CCZ1B: variants seen among roughly 807,000 people sequenced by gnomAD.
CCZ1B encodes the protein vacuolar fusion protein CCZ1 homolog B.
A neutral mutation model predicts 58.8 loss-of-function variants in CCZ1B; 25 were observed. The ratio of observed to expected loss-of-function variants is 0.43; its 90% confidence interval spans 0.31 to 0.59. The LOEUF (loss-of-function observed/expected upper bound fraction) is 0.59. Among genes scored for constraint, CCZ1B ranks in the 20% least tolerant of loss-of-function variants. The pLI is 0.12. For missense variants in CCZ1B, 180 were observed against 501.5 expected, an observed-to-expected ratio of 0.36 and a Z score of 6.12; for synonymous variants, 66 against 173.2, an observed-to-expected ratio of 0.38 and a Z score of 4.86.
In CCZ1B at chr7:6,822,735, G is replaced by T. The variant is rs1165256374; in HGVS notation, c.439-371C>A. On this transcript the variant is annotated intron_variant, in intron 5 of 14. Transcript: ENST00000316731. ...TTTTTTTTTTTTGAGATGGAATCTC[G>T]CTGTTGCCCAGGGTAGAGTGCAGTG... 1.9e-4 allele frequency among the ~76,000 whole-genome samples: 22 copies of T among 114,048 alleles called. No individual in the cohort carries two copies. In the South Asian group the frequency reaches 5.2e-3, roughly 27 times the overall value. The allele number at this position is 114,048 out of a possible 152,430, so 74.8% of individuals were successfully genotyped here.
chr7:6,822,572 C>T (rs1374705854), intron 5 of CCZ1B: 2 of 980,318 alleles, frequency 2.0e-6, no homozygotes, highest in Non-Finnish European at 2.8e-6. Context: ...ATGAAACCAC[C>T]TAATTGCTCT....
At chr7:6,817,728 G>A (rs1435952448) in intron 7 of CCZ1B, among the ~76,000 whole-genome samples, 1 of 149,812 alleles carries the variant, frequency 6.7e-6, no homozygotes, top group Non-Finnish European at 1.5e-5. Context: ...TAGAAAGTAG[G>A]TGGAGGCCGG....
At chr7:6,814,447 G>A (rs1472289567) in intron 8 of CCZ1B, among the ~76,000 whole-genome samples, 1 of 149,662 alleles carries the variant, frequency 6.7e-6, no homozygotes, top group African/African-American at 2.5e-5. Context: ...GAGGCAAGGA[G>A]AATTGCTTGA....
Position 6,819,922 on chromosome 7 carries a change from A to T in CCZ1B, c.542T>A (p.Leu181Ter). 1.2e-6 allele frequency: 2 copies of T among 1,606,262 alleles called. No homozygotes were observed. The highest frequency in any genetic ancestry group is 2.2e-5 in the South Asian group (2 of 90,436). Residue 181 changes from leucine to a stop codon, truncating the protein, a stop_gained, in exon 7 of 15, where the codon TTG (leucine) becomes TAG (stop). Transcript: ENST00000316731. LOFTEE classifies it high-confidence loss of function. ...FFHRYLQTLH[L>*]QSCDLLDIFG... ...AATGTCAAGTAGGTCACATGACTGC[A>T]AATGTAGCGTTTGCAAATACTGTGG...
intron 1 of CCZ1B, among the ~76,000 whole-genome samples, chr7:6,825,458 C>T (rs1242521733): frequency 7.2e-6 from 1 of 139,328 alleles, no homozygotes; most frequent in Non-Finnish European, 1.5e-5. Flanking sequence ...CTATGTTGCC[C>T]AGGCTGGTCT....
intron 10 of CCZ1B, among the ~76,000 whole-genome samples, chr7:6,811,069 T>C (rs1330326690): frequency 6.6e-6 from 1 of 151,616 alleles, no homozygotes; most frequent in African/African-American, 2.4e-5. Flanking sequence ...CAGGGATGGA[T>C]GCTCAGCCGT....
At chr7:6,815,668 TAA>T (rs1232432364) in intron 7 of CCZ1B, among the ~76,000 whole-genome samples, 1 of 148,814 alleles carries the variant, frequency 6.7e-6, no homozygotes, top group Non-Finnish European at 1.5e-5. Context: ...TTAAGGAAGG[TAA>T]AGAGTTAAAC....
chr7:6,815,996 C>T lies in CCZ1B; in HGVS notation c.699-1151G>A, dbSNP rs373674006. Among the ~76,000 whole-genome samples the T allele has an allele frequency of 3.3e-3, 482 of 144,682 alleles. 25 individuals carry two copies. Among genetic ancestry groups the T allele is most frequent in the African/African-American group, 0.012 (458 of 37,258 alleles). The allele number at this position is 144,682 out of a possible 152,430, so 94.9% of individuals were successfully genotyped here. A position where few individuals can be genotyped will look rare whatever the true frequency, so the allele number is the denominator to read the frequency against. On this transcript the variant is annotated intron_variant, in intron 7 of 14. Coordinates refer to ENST00000316731, the MANE Select transcript of CCZ1B (RefSeq NM_198097.5). ...CATGGATTTTAATTCTCCGGATCTT[C>T]GGTGAAGAAAGAGGAGGAAGAGAAA...
chr7:6,819,933 T>C lies in CCZ1B; in HGVS notation c.531A>G (p.Gln177=). ...GGTCACATGACTGCAAATGTAGCGT[T>C]TGCAAATACTGTGGAAAAAAAATAA... The part of the protein sequence containing the change: ...RLEKFFHRYL[Q]TLHLQSCDLL... Residue 177 remains glutamine, a synonymous_variant, in exon 7 of 15, where the codon CAA becomes CAG. Coordinates refer to ENST00000316731, the MANE Select transcript of CCZ1B (RefSeq NM_198097.5). 3 of 1,606,298 alleles carry C rather than the reference T, an allele frequency of 1.9e-6. No individual in the cohort carries two copies. Among genetic ancestry groups the C allele is most frequent in the Non-Finnish European group, 2.5e-6 (3 of 1,177,084 alleles).
At chr7:6,801,849 C>A (rs1441620029) in intron 12 of CCZ1B, among the ~76,000 whole-genome samples, 1 of 111,778 alleles carries the variant, frequency 8.9e-6, no homozygotes, top group Non-Finnish European at 1.9e-5. Context: ...GCAGGGATTA[C>A]AGGCGTGAGC....
intron 5 of CCZ1B, 56 bp downstream of exon 5, chr7:6,823,257 C>T: frequency 1.3e-6 from 2 of 1,597,990 alleles, no homozygotes; most frequent in Non-Finnish European, 8.5e-7. Flanking sequence ...AACCCTGGAG[C>T]CTAGAGATAG....
chr7:6,811,899 A>C (rs2115116520), intron 10 of CCZ1B, 53 bp downstream of exon 10: 2 of 1,591,080 alleles, frequency 1.3e-6, no homozygotes, highest in East Asian at 4.5e-5. Context: ...TACACATGCA[A>C]GAAAGATCCA....
At chr7:6,825,418 T>C (rs1424016290) in intron 1 of CCZ1B, among the ~76,000 whole-genome samples, 1 of 145,160 alleles carries the variant, frequency 6.9e-6, no homozygotes, top group Non-Finnish European at 1.5e-5. Flanking sequence ...TTTCAATTTT[T>C]TTTTTTTTTT....
chr7:6,825,102 C>G (rs1468907435), intron 1 of CCZ1B, among the ~76,000 whole-genome samples: 3 of 150,576 alleles, frequency 2.0e-5, no homozygotes, highest in African/African-American at 5.0e-5. Flanking sequence ...TATGAAAACT[C>G]AAGTCTCCAG....
chr7:6,804,274 G>A (rs1484341914), intron 12 of CCZ1B, among the ~76,000 whole-genome samples: 6 of 122,306 alleles, frequency 4.9e-5, no homozygotes, highest in African/African-American at 1.9e-4. Flanking sequence ...AATACAAAAA[G>A]GAGCCGGGCA....
chr7:6,818,686 A>AC (rs879293493), intron 7 of CCZ1B, among the ~76,000 whole-genome samples: 5,999 of 77,952 alleles, frequency 0.077, 136 homozygotes, highest in East Asian at 0.29. Context: ...AGAAAGAAAG[A>AC]AAGAAAGACA....
chr7:6,820,604 C>T (rs1164858635), intron 6 of CCZ1B, among the ~76,000 whole-genome samples: 1 of 148,876 alleles, frequency 6.7e-6, no homozygotes, highest in African/African-American at 2.5e-5. Context: ...GCATGAGCCA[C>T]TGTGCCCAGC....
intron 14 of CCZ1B, chr7:6,799,487 G>A (rs1031867573): frequency 3.5e-5 from 6 of 171,074 alleles, no homozygotes; most frequent in Non-Finnish European, 5.5e-5. Context: ...GAGTGTAGTG[G>A]TGTGATCTTG....
chr7:6,824,264 A>G, intron 3 of CCZ1B, 98 bp from the exon 4 acceptor site: 5 of 1,563,522 alleles, frequency 3.2e-6, no homozygotes, highest in Non-Finnish European at 4.3e-6. Flanking sequence ...AGCACCAGAA[A>G]CACAACTTCT....
Sources: gnomAD v4.1 joint callset for allele counts (sites outside exome capture counted in the v4.1 genomes callset) on GRCh38, gnomAD v4.1.1 for gene constraint, MANE v1.5 for transcripts, NCBI Gene and HGNC (gene_info 2026-07-23, HGNC 2026-07-21) for gene names.